The following TEX48 variants were observed in gnomAD, a reference collection of about 807,000 sequenced individuals.
The protein encoded by TEX48 is testis-expressed protein 48.
Under a neutral mutation model 13.2 loss-of-function variants are expected in TEX48, and 10 were observed. The observed-to-expected ratio is 0.75, with a 90% CI of 0.47 to 1.28. The LOEUF is 1.28. Ranked by LOEUF, TEX48 falls within the 50% of genes most tolerant of loss-of-function variation. TEX48 has a pLI of 0.00. For synonymous variants in TEX48, 45 were observed against 52.3 expected (o/e 0.86, Z 0.60); for missense variants, 116 against 139.4 (o/e 0.83, Z 0.84).
intron 1 of TEX48, among the ~76,000 whole-genome samples, chr9:114,677,697 G>T (rs1456227360): frequency 6.6e-6 from 1 of 152,112 alleles, no homozygotes; most frequent in African/African-American, 2.4e-5. Context: ...GCTAAAACCT[G>T]GACTTGGGTC....
intron 1 of TEX48, among the ~76,000 whole-genome samples, chr9:114,680,002 A>C (rs989977745): frequency 6.6e-6 from 1 of 152,182 alleles, no homozygotes; most frequent in African/African-American, 2.4e-5. Flanking sequence ...TCTATAGCTA[A>C]GCCCAAAGAA....
At chr9:114,674,643 T>TTCCA in intron 1 of TEX48, among the ~76,000 whole-genome samples, 1 of 138,008 alleles carries the variant, frequency 7.2e-6, no homozygotes, top group South Asian at 2.5e-4. Flanking sequence ...CCTTCCTTCC[T>TTCCA]TCCTTCCTTC....
At chr9:114,676,609 T>C (rs1375965039) in intron 1 of TEX48, among the ~76,000 whole-genome samples, 1 of 143,328 alleles carries the variant, frequency 7.0e-6, no homozygotes, top group African/African-American at 2.6e-5. Context: ...GCAGGGACAG[T>C]ATTTTATTCA....
rs1316981756 is a variant in TEX48 at position 114,671,378 on chromosome 9, C to A, written c.127+5G>T. 1 of 1,535,156 alleles carries A rather than the reference C, an allele frequency of 6.5e-7. No homozygotes were observed. Among genetic ancestry groups the A allele is most frequent in the South Asian group, 1.2e-5 (1 of 83,980 alleles). ...CCATGCAGAGTGTCCTTATCTGATA[C>A]CTACTTTGGGTCGATGGCTTGTGCT... On this transcript the variant is annotated splice_donor_5th_base_variant and intron_variant, in intron 3 of 4. Transcript: ENST00000436752.
At chr9:114,671,627 T>C in intron 2 of TEX48, 93 bp downstream of exon 2, 1 of 1,527,692 alleles carries the variant, frequency 6.5e-7, no homozygotes, top group Non-Finnish European at 8.8e-7. Context: ...AATATAATAC[T>C]CCTCCCCTCT....
chr9:114,676,645 C>T (rs1340632888), intron 1 of TEX48, among the ~76,000 whole-genome samples: 8 of 145,462 alleles, frequency 5.5e-5, no homozygotes, highest in African/African-American at 1.5e-4. Context: ...GAGATGGAGT[C>T]GCGCTCTGTT....
chr9:114,671,531 C>CA (rs3215861), intron 2 of TEX48, 26 bp from the exon 3 acceptor site: 854,062 of 1,534,312 alleles, frequency 0.56, 239,250 homozygotes, highest in Admixed American at 0.69. Context: ...GAATGAGGGG[C>CA]ATGGGTTCCG....
rs141565077 is a variant in TEX48, at chr9:114,673,427, C to T, written c.-104-1600G>A. Among the ~76,000 whole-genome samples the T allele has an allele frequency of 6.6e-3, 965 of 145,474 alleles. 28 individuals carry two copies. The South Asian group carries it at 0.082, about 12-fold the overall frequency. ...CGGAGGTTGTGGTGAGCCGAGATCA[C>T]GCCATTGCACTCCAGCCTGGGCAAG... On this transcript the variant is annotated intron_variant, in intron 1 of 4. Coordinates refer to ENST00000436752, the MANE Select transcript of TEX48 (RefSeq NM_001199233.2).
At chr9:114,676,344 T>A (rs1828063321) in intron 1 of TEX48, among the ~76,000 whole-genome samples, 1 of 151,880 alleles carries the variant, frequency 6.6e-6, no homozygotes, top group African/African-American at 2.4e-5. Context: ...TTTTTTGTTT[T>A]TGTTTTGGTA....
chr9:114,670,169 T>A (rs1482342143), intron 3 of TEX48, among the ~76,000 whole-genome samples: 2 of 152,206 alleles, frequency 1.3e-5, no homozygotes, highest in Non-Finnish European at 2.9e-5. Context: ...ATATGAAATA[T>A]ACACTCTGAA....
chr9:114,676,084 T>C (rs58007505), intron 1 of TEX48, among the ~76,000 whole-genome samples: 8,799 of 152,310 alleles, frequency 0.058, 461 homozygotes, highest in East Asian at 0.2. Flanking sequence ...TAATAAACAC[T>C]TGTTGAAACG....
At position 114,671,880 on chromosome 9, in the gene TEX48, A is replaced by G. The variant is rs1827956094; in HGVS notation, c.-104-53T>C. Reference sequence around the variant, plus strand: ...AAATGCTAGTCCTTCACCTGTGTTCACACTCCAGATAGGATCTAATGACAG... The same window carrying G: ...AAATGCTAGTCCTTCACCTGTGTTCGCACTCCAGATAGGATCTAATGACAG... On this transcript the variant is annotated intron_variant, in intron 1 of 4. Coordinates refer to ENST00000436752, the MANE Select transcript of TEX48 (RefSeq NM_001199233.2). 5.6e-5 allele frequency: 43 copies of G among 773,220 alleles called. No homozygotes were observed. The South Asian group carries it at 6.8e-4, about 12-fold the overall frequency. 47.9% of individuals were successfully genotyped at this position (773,220 alleles called of 1,614,324 possible). A position where few individuals can be genotyped will look rare whatever the true frequency, so the allele number is the denominator to read the frequency against.
chr9:114,668,231 A>G lies in TEX48; in HGVS notation c.234T>C (p.Thr78=), dbSNP rs761273255. 5.2e-5 allele frequency: 80 copies of G among 1,535,678 alleles called. 1 individual carries two copies. Among genetic ancestry groups the G allele is most frequent in the African/African-American group, 2.1e-4 (15 of 73,152 alleles). Reference sequence around the variant, plus strand: ...CCTCAAACTCACTGCTGCTGGAGGAAGTGCTCTTTTTTGTCTGGATCAGGG... The same window carrying G: ...CCTCAAACTCACTGCTGCTGGAGGAGGTGCTCTTTTTTGTCTGGATCAGGG... ...RTPLIQTKKS[T]SSSSSEFEDL... is the part of the protein sequence containing the mutation. The change falls in exon 4 of 5, where the codon ACT becomes ACC. Residue 78 remains threonine (T), a synonymous_variant. Coordinates refer to ENST00000436752, the MANE Select transcript of TEX48 (RefSeq NM_001199233.2).
chr9:114,676,479 CT>C (rs904071538), intron 1 of TEX48, among the ~76,000 whole-genome samples: 38 of 148,336 alleles, frequency 2.6e-4, no homozygotes, highest in African/African-American at 6.7e-4. Flanking sequence ...AAGCTTTTTT[CT>C]TTTTTTTTTC....
At chr9:114,678,933 A>G (rs1483466579) in intron 1 of TEX48, among the ~76,000 whole-genome samples, 2 of 152,014 alleles carry the variant, frequency 1.3e-5, no homozygotes, top group Non-Finnish European at 2.9e-5. Flanking sequence ...CAAATAACCT[A>G]TCTATGCATA....
At chr9:114,681,142 T>C (rs539672537) in intron 1 of TEX48, among the ~76,000 whole-genome samples, 1 of 152,368 alleles carries the variant, frequency 6.6e-6, no homozygotes, top group African/African-American at 2.4e-5. Context: ...TAGCTTACTA[T>C]ACACCACGTT....
chr9:114,676,888 T>C (rs1453563934), intron 1 of TEX48, among the ~76,000 whole-genome samples: 1 of 152,112 alleles, frequency 6.6e-6, no homozygotes, highest in Non-Finnish European at 1.5e-5. Flanking sequence ...AGTGCTGGGA[T>C]TCCAGGCGTG....
intron 3 of TEX48, among the ~76,000 whole-genome samples, chr9:114,669,552 C>T (rs752790453): frequency 2.0e-5 from 3 of 152,100 alleles, no homozygotes; most frequent in Non-Finnish European, 4.4e-5. Flanking sequence ...AGCGATTCTC[C>T]TGCCTCAGCC....
intron 4 of TEX48, among the ~76,000 whole-genome samples, chr9:114,667,900 C>G (rs1018702104): frequency 4.1e-5 from 3 of 73,480 alleles, no homozygotes; most frequent in African/African-American, 2.0e-4. Context: ...AGGGAGACTC[C>G]ATCTCAAAAA....
Sources: gnomAD v4.1 joint callset for allele counts (sites outside exome capture counted in the v4.1 genomes callset) on GRCh38, gnomAD v4.1.1 for gene constraint, MANE v1.5 for transcripts, NCBI Gene and HGNC (gene_info 2026-07-23, HGNC 2026-07-21) for gene names.